The following CRIM1 variants were observed in gnomAD, a reference collection of about 807,000 sequenced individuals.
CRIM1 encodes cysteine-rich motor neuron 1 protein.
A neutral mutation model predicts 116.4 loss-of-function variants in CRIM1; 32 were observed. The ratio of observed to expected loss-of-function variants is 0.27; its 90% CI spans 0.21 to 0.37. The LOEUF is 0.37. Ranked by LOEUF, CRIM1 falls within the 10% of genes least tolerant of loss-of-function variation. The pLI, the probability that CRIM1 is intolerant of heterozygous loss-of-function variation, is 1.00. For synonymous variants in CRIM1, 590 were observed against 509.2 expected, an observed-to-expected ratio of 1.16 and a Z score of -2.13; for missense variants, 1,331 against 1,354.8, an observed-to-expected ratio of 0.98 and a Z score of 0.28.
chr2:36,532,851 T>C (rs1224548668), intron 13 of CRIM1, among the ~76,000 whole-genome samples: 1 of 152,226 alleles, frequency 6.6e-6, no homozygotes, highest in African/African-American at 2.4e-5. Context: ...GCAGGTAACA[T>C]GCTTAACACA....
intron 1 of CRIM1, among the ~76,000 whole-genome samples, chr2:36,381,446 A>G (rs1670763343): frequency 6.6e-6 from 1 of 152,180 alleles, no homozygotes; most frequent in African/African-American, 2.4e-5. Context: ...CTGCCAGAGC[A>G]GTTGGGGTGA....
At chr2:36,513,448 G>T in intron 10 of CRIM1, 108 bp from the exon 11 acceptor site, 3 of 809,084 alleles carry the variant, frequency 3.7e-6, no homozygotes, top group Non-Finnish European at 6.5e-6. Context: ...ACTGTCCTGT[G>T]TTAGACGTAA....
chr2:36,362,479 C>G (rs1411710129), intron 1 of CRIM1, among the ~76,000 whole-genome samples: 2 of 152,176 alleles, frequency 1.3e-5, no homozygotes, highest in African/African-American at 4.8e-5. Flanking sequence ...AGCTGTGCTT[C>G]AAAACGGCAA....
At position 36,477,448 on chromosome 2, in the gene CRIM1, GATA is replaced by G. The variant is rs1265042251; in HGVS notation, c.1174+380_1174+382del. 8.5e-5 allele frequency among the ~76,000 whole-genome samples: 13 copies of G among 152,316 alleles called. No homozygotes were observed. In the East Asian group the frequency reaches 2.5e-3, roughly 29 times the overall value. On this transcript the variant is annotated intron_variant, in intron 6 of 16. Coordinates refer to ENST00000280527, the MANE Select transcript of CRIM1 (RefSeq NM_016441.3). ...TCCTCACCTCAGATTGCTCAGTTAG[GATA>G]ATGTGGGCCTCACCCTGACAGTCTC...
chr2:36,469,152 A>G (rs2125019374), intron 5 of CRIM1, among the ~76,000 whole-genome samples: 1 of 152,298 alleles, frequency 6.6e-6, no homozygotes, highest in East Asian at 1.9e-4. Flanking sequence ...TCATCAGCAC[A>G]AAAGAGGAAG....
chr2:36,542,726 G>A (rs1667032950), intron 14 of CRIM1, among the ~76,000 whole-genome samples: 1 of 152,162 alleles, frequency 6.6e-6, no homozygotes, highest in African/African-American at 2.4e-5. Flanking sequence ...GGGTGTGTGT[G>A]GCACTGAAAG....
At chr2:36,360,054 GAA>G (rs1669118671) in intron 1 of CRIM1, among the ~76,000 whole-genome samples, 3 of 152,212 alleles carry the variant, frequency 2.0e-5, no homozygotes, top group Admixed American at 6.5e-5. Flanking sequence ...GCAGAGTTTA[GAA>G]AAATTAATGA....
chr2:36,499,418 G>A, intron 8 of CRIM1, 71 bp downstream of exon 8: 1 of 1,480,310 alleles, frequency 6.8e-7, no homozygotes, highest in Admixed American at 1.9e-5. Flanking sequence ...TTATGTAATT[G>A]AATATCTTTT....
intron 2 of CRIM1, among the ~76,000 whole-genome samples, chr2:36,439,875 A>C (rs557855288): frequency 8.7e-4 from 133 of 152,236 alleles, no homozygotes; most frequent in Middle Eastern, 3.4e-3. Context: ...CACCATATCA[A>C]CTAACAAGGT....
intron 1 of CRIM1, among the ~76,000 whole-genome samples, chr2:36,396,321 G>A (rs1381747880): frequency 6.6e-6 from 1 of 152,180 alleles, no homozygotes; most frequent in African/African-American, 2.4e-5. Flanking sequence ...CATTTTTAAA[G>A]GCATCTCAGT....
intron 8 of CRIM1, among the ~76,000 whole-genome samples, chr2:36,503,235 G>A (rs549341791): frequency 1.8e-4 from 28 of 152,320 alleles, no homozygotes; most frequent in African/African-American, 6.7e-4. Flanking sequence ...CACAGAAGCT[G>A]AGAGTGTGAC....
rs376116337 is a variant in CRIM1 at position 36,544,518 on chromosome 2, G to A, written c.2746+20G>A. The A allele has an allele frequency of 4.5e-6, 6 of 1,322,708 alleles. No individual in the cohort carries two copies. In the African/African-American group the frequency reaches 7.5e-5, roughly 17 times the overall value. 81.9% of individuals were successfully genotyped at this position (1,322,708 alleles called of 1,614,324 possible). A position where few individuals can be genotyped will look rare whatever the true frequency, so the allele number is the denominator to read the frequency against. On this transcript the variant is annotated intron_variant, in intron 15 of 16. Transcript: ENST00000280527. ...CTAGAGGTAAGCATTGAAGGCAGCT[G>A]AGATCTGCTAGTTTTCTATGTGGTC...
intron 13 of CRIM1, 143 bp downstream of exon 13, chr2:36,522,456 T>A: frequency 1.5e-6 from 1 of 655,402 alleles, no homozygotes; most frequent in East Asian, 2.7e-5. Context: ...GTAGCAACAC[T>A]GAGCAGAAGA....
At chr2:36,442,808 A>G (rs1293040365) in intron 4 of CRIM1, 73 bp downstream of exon 4, 4 of 1,576,930 alleles carry the variant, frequency 2.5e-6, no homozygotes, top group Non-Finnish European at 1.7e-6. Context: ...TTGAGCATGC[A>G]GTTTGTTTTC....
chr2:36,472,020 A>G (rs770555394), intron 5 of CRIM1, among the ~76,000 whole-genome samples: 6 of 152,206 alleles, frequency 3.9e-5, no homozygotes, highest in African/African-American at 9.7e-5. Flanking sequence ...CTATATTACA[A>G]AATTCTCTTT....
intron 1 of CRIM1, among the ~76,000 whole-genome samples, chr2:36,381,013 T>C (rs746869780): frequency 2.0e-5 from 3 of 152,220 alleles, no homozygotes; most frequent in Admixed American, 2.0e-4. Context: ...CTGCTCTCCC[T>C]GCCCCATGAC....
chr2:36,450,752 A>G (rs1391875818), intron 4 of CRIM1, among the ~76,000 whole-genome samples: 2 of 152,200 alleles, frequency 1.3e-5, no homozygotes, highest in African/African-American at 4.8e-5. Flanking sequence ...GAAGGTCATC[A>G]ATGTCGTTTG....
chr2:36,499,447 T>G, intron 8 of CRIM1, 100 bp downstream of exon 8: 1 of 1,266,398 alleles, frequency 7.9e-7, no homozygotes, highest in Non-Finnish European at 1.1e-6. Flanking sequence ...GTTCAGACAT[T>G]CCCTTGACAA....
chr2:36,534,087 G>C (rs1049656905), intron 13 of CRIM1, among the ~76,000 whole-genome samples: 1 of 144,814 alleles, frequency 6.9e-6, no homozygotes, highest in Non-Finnish European at 1.5e-5. Flanking sequence ...GAAGGAGAGA[G>C]GGGAAAGGAA....
Sources: gnomAD v4.1 joint callset for allele counts (sites outside exome capture counted in the v4.1 genomes callset) on GRCh38, gnomAD v4.1.1 for gene constraint, MANE v1.5 for transcripts, NCBI Gene and HGNC (gene_info 2026-07-23, HGNC 2026-07-21) for gene names.